MGAT4D: variants seen among roughly 807,000 people sequenced by gnomAD.
MGAT4D encodes the protein alpha-1,3-mannosyl-glycoprotein 4-beta-N-acetylglucosaminyltransferase-like protein MGAT4D.
A neutral mutation model predicts 15.9 loss-of-function variants in MGAT4D; 34 were observed. The ratio of observed to expected loss-of-function variants is 2.14; its 90% CI spans 1.62 to 2.84. The LOEUF is 2.84. Among genes scored for constraint, MGAT4D ranks in the 30% most tolerant of loss-of-function variants. The pLI is 0.00. For synonymous variants in MGAT4D, 112 were observed against 48.2 expected (o/e 2.33, Z -5.49); for missense variants, 327 against 140.2 (o/e 2.33, Z -6.73).
At chr4:140,449,769 A>T (rs1186291270) in intron 10 of MGAT4D, among the ~76,000 whole-genome samples, 1 of 152,166 alleles carries the variant, frequency 6.6e-6, no homozygotes, top group Non-Finnish European at 1.5e-5. Flanking sequence ...CAAAAAAAAA[A>T]AGTTTTATCA....
In MGAT4D at chr4:140,461,913, ACACAC is replaced by A. The variant is rs774034603; in HGVS notation, c.762+11_762+15del. On this transcript the variant is annotated intron_variant, in intron 7 of 10. Coordinates refer to ENST00000511113, the MANE Select transcript of MGAT4D (RefSeq NM_001277353.2). ...CACACACACACACACACACACACAC[ACACAC>A]AATTTCTGACCTGTAAATAATACTT... is the stretch of plus-strand genomic sequence containing the variant. 6 of 696,256 alleles carry A rather than the reference ACACAC, an allele frequency of 8.6e-6. No homozygotes were observed. The highest frequency in any genetic ancestry group is 1.5e-5 in the South Asian group (1 of 66,210). The allele number at this position is 696,256 out of a possible 1,614,324, so 43.1% of individuals were successfully genotyped here. A position where few individuals can be genotyped will look rare whatever the true frequency, so the allele number is the denominator to read the frequency against.
intron 1 of MGAT4D, among the ~76,000 whole-genome samples, chr4:140,487,617 A>C (rs891879273): frequency 2.0e-5 from 3 of 152,208 alleles, no homozygotes; most frequent in African/African-American, 4.8e-5. Flanking sequence ...TTTGTACTAA[A>C]TATTCTAAAT....
intron 1 of MGAT4D, among the ~76,000 whole-genome samples, chr4:140,493,287 C>CTTT (rs551838799): frequency 5.3e-5 from 6 of 112,518 alleles, no homozygotes; most frequent in Admixed American, 9.1e-5. Context: ...TGTTCCTTTA[C>CTTT]TTTTTTTTTT....
At chr4:140,486,940 G>C (rs997095751) in intron 1 of MGAT4D, among the ~76,000 whole-genome samples, 6 of 152,192 alleles carry the variant, frequency 3.9e-5, no homozygotes, top group African/African-American at 1.4e-4. Flanking sequence ...AAAATGGATT[G>C]TGTGTTCCGA....
At position 140,456,561 on chromosome 4, in the gene MGAT4D, A is replaced by C. The variant is rs116448350; in HGVS notation, c.1008+28T>G. 6.7e-3 allele frequency: 3,926 copies of C among 586,954 alleles called. 121 individuals are homozygous for C. Among genetic ancestry groups the C allele is most frequent in the African/African-American group, 0.066 (3,484 of 52,750 alleles). 36.4% of individuals were successfully genotyped at this position (586,954 alleles called of 1,614,324 possible). A position where few individuals can be genotyped will look rare whatever the true frequency, so the allele number is the denominator to read the frequency against. ...GGATAGATAATATTTTTCCTAAAAT[A>C]TTTGGTATTCATAAAGTAAATACTC... On this transcript the variant is annotated intron_variant, in intron 9 of 10. Transcript: ENST00000511113.
intron 10 of MGAT4D, among the ~76,000 whole-genome samples, chr4:140,443,812 G>T (rs1007845981): frequency 6.6e-6 from 1 of 151,920 alleles, no homozygotes. Context: ...TATAGTAAAG[G>T]TTTAGGGTAA....
chr4:140,485,026 T>C (rs537864167), intron 1 of MGAT4D, among the ~76,000 whole-genome samples: 1 of 152,318 alleles, frequency 6.6e-6, no homozygotes, highest in Non-Finnish European at 1.5e-5. Context: ...GGAAATACCA[T>C]TTGACCCAGC....
At chr4:140,461,880 TACACACACAC>T (rs10644682) in intron 7 of MGAT4D, 39 bp downstream of exon 7, 9,431 of 535,350 alleles carry the variant, frequency 0.018, 70 homozygotes, top group Middle Eastern at 0.055. Flanking sequence ...AATTGGTGTA[TACACACACAC>T]ACACACACAC....
chr4:140,451,192 T>C (rs1001329049), intron 10 of MGAT4D, among the ~76,000 whole-genome samples: 1 of 152,180 alleles, frequency 6.6e-6, no homozygotes, highest in African/African-American at 2.4e-5. Flanking sequence ...ATAGTTTATG[T>C]AGGCTGAATT....
chr4:140,444,010 A>G (rs1302086642), intron 10 of MGAT4D, among the ~76,000 whole-genome samples: 8 of 152,170 alleles, frequency 5.3e-5, no homozygotes, highest in Non-Finnish European at 1.0e-4. Flanking sequence ...AACCAAATAA[A>G]TCATGACAGT....
intron 10 of MGAT4D, among the ~76,000 whole-genome samples, chr4:140,448,471 C>T (rs556875088): frequency 6.6e-6 from 1 of 152,196 alleles, no homozygotes; most frequent in South Asian, 2.1e-4. Context: ...GAGATTCTTT[C>T]CTCAGCTTTG....
intron 9 of MGAT4D, among the ~76,000 whole-genome samples, chr4:140,452,336 C>T (rs900542095): frequency 6.6e-6 from 1 of 151,998 alleles, no homozygotes; most frequent in African/African-American, 2.4e-5. Flanking sequence ...TATTTAGATG[C>T]ATTTCTACCC....
At chr4:140,495,040 G>T (rs183216842) in intron 1 of MGAT4D, among the ~76,000 whole-genome samples, 1 of 152,208 alleles carries the variant, frequency 6.6e-6, no homozygotes, top group East Asian at 1.9e-4. Context: ...GATGGCTTCC[G>T]ATCTTACTCA....
intron 7 of MGAT4D, among the ~76,000 whole-genome samples, chr4:140,460,044 T>C (rs1478464675): frequency 6.6e-6 from 1 of 152,152 alleles, no homozygotes; most frequent in Non-Finnish European, 1.5e-5. Context: ...AGTGCCGAGA[T>C]TACAGGTATG....
chr4:140,456,510 G>T, intron 9 of MGAT4D, 79 bp downstream of exon 9: 1 of 461,970 alleles, frequency 2.2e-6, no homozygotes, highest in South Asian at 4.4e-5. Context: ...ATTTGGTTTG[G>T]TAAACAAATT....
Position 140,451,468 on chromosome 4 carries a change from G to T in MGAT4D, c.1058C>A (p.Ser353Tyr). 1 of 632,684 alleles carries T rather than the reference G, an allele frequency of 1.6e-6. No homozygotes were observed. The highest frequency in any genetic ancestry group is 1.9e-5 in the South Asian group (1 of 53,648). 39.2% of individuals were successfully genotyped at this position (632,684 alleles called of 1,614,324 possible). ...ATGTATACCCACATGCTGGAAAAGAGAAGGTTTATACTGAATACGTATTTG... is the reference window on the plus strand; with the variant it reads ...ATGTATACCCACATGCTGGAAAAGATAAGGTTTATACTGAATACGTATTTG... Reference protein sequence around the residue: ...KKQIRIQYKPSLFQHVGIHSS... With the variant: ...KKQIRIQYKPYLFQHVGIHSS... The change falls in exon 10 of 11, where the codon TCT (serine) becomes TAT (tyrosine). Residue 353 changes from serine to tyrosine, a missense_variant. Ser to Tyr is a moderately radical substitution (Grantham distance 144). Coordinates refer to ENST00000511113, the MANE Select transcript of MGAT4D (RefSeq NM_001277353.2).
At position 140,471,227 on chromosome 4, in the gene MGAT4D, TTTCCTTCCTTCCTTCCTTCCTTCC is replaced by T. The variant is rs200186471; in HGVS notation, c.572+524_572+547del. Among the ~76,000 whole-genome samples the T allele has an allele frequency of 9.7e-3, 1,301 of 133,784 alleles. 19 individuals are homozygous for T. The highest frequency in any genetic ancestry group is 0.031 in the African/African-American group (1,107 of 36,186). The allele number at this position is 133,784 out of a possible 152,430, so 87.8% of individuals were successfully genotyped here. ...TTTCGTTTCTCCTTTCTCCTTTTTG[TTTCCTTCCTTCCTTCCTTCCTTCC>T]TTCCTTCCTTCCTTCCTTCCTTCCT... On this transcript the variant is annotated intron_variant, in intron 5 of 10. Transcript: ENST00000511113.
chr4:140,483,195 C>T (rs1162790795), intron 1 of MGAT4D, among the ~76,000 whole-genome samples: 1 of 152,106 alleles, frequency 6.6e-6, no homozygotes, highest in Non-Finnish European at 1.5e-5. Context: ...ACTAAAGTTT[C>T]AGGATACAAA....
intron 9 of MGAT4D, among the ~76,000 whole-genome samples, chr4:140,453,124 A>G (rs912493021): frequency 5.3e-5 from 8 of 152,176 alleles, no homozygotes; most frequent in Non-Finnish European, 8.8e-5. Context: ...CCTTTTGCCA[A>G]TAAAGGTGGC....
Sources: allele counts gnomAD v4.1 joint callset (sites outside exome capture counted in the v4.1 genomes callset), GRCh38; gene constraint gnomAD v4.1.1; transcripts MANE v1.5; gene names NCBI Gene and HGNC (gene_info 2026-07-23, HGNC 2026-07-21).